NOD1: variants seen among roughly 807,000 people sequenced by gnomAD.
NOD1 encodes nucleotide-binding oligomerization domain-containing protein 1.
NOD1 carries 70 observed loss-of-function variants against 81.2 expected under a neutral mutation model. That is an observed-to-expected ratio of 0.86 (90% confidence interval 0.71 to 1.05). The LOEUF is 1.05. Ranked by LOEUF, NOD1 falls within the 50% of genes least tolerant of loss-of-function variation. The pLI, the probability that NOD1 is intolerant of heterozygous loss-of-function variation, is 0.00. For synonymous variants in NOD1, 508 were observed against 526.9 expected, an observed-to-expected ratio of 0.96 and a Z score of 0.49; for missense variants, 1,233 against 1,228.0, an observed-to-expected ratio of 1.00 and a Z score of -0.06.
intron 9 of NOD1, among the ~76,000 whole-genome samples, chr7:30,445,278 TAAAAAAAAAAAAA>T (rs55875433): frequency 1.4e-5 from 1 of 69,176 alleles, no homozygotes; most frequent in African/African-American, 7.0e-5. Flanking sequence ...AAAAAGAATC[TAAAAAAAAAAAAA>T]AAAAAAAAAA....
chr7:30,434,653 T>G (rs1442370622), intron 11 of NOD1, among the ~76,000 whole-genome samples: 1 of 152,200 alleles, frequency 6.6e-6, no homozygotes, highest in Non-Finnish European at 1.5e-5. Context: ...TACTTTCACT[T>G]CCTCCTTTTA....
chr7:30,471,998 A>G (rs1371898955), intron 1 of NOD1, among the ~76,000 whole-genome samples: 1 of 152,220 alleles, frequency 6.6e-6, no homozygotes, highest in African/African-American at 2.4e-5. Flanking sequence ...TCATCTGGAG[A>G]TTGAAAACTA....
rs1788969253 is a variant in NOD1 at position 30,478,021 on chromosome 7, T to A, written c.-352+585A>T. The stretch of plus-strand genomic sequence containing the variant: ...TGCACACATTGGAGGCGTTTTTGAA[T>A]GTGATATTCAGGCGACCTTGCCAAG... On this transcript the variant is annotated intron_variant, in intron 1 of 13. Coordinates refer to ENST00000222823, the MANE Select transcript of NOD1 (RefSeq NM_006092.4). This position sits in a 1 kb window ranked among gnomAD's most constrained non-coding sequence, Gnocchi z 4.1. Among the ~76,000 whole-genome samples, 2 of 152,218 alleles carry A rather than the reference T, an allele frequency of 1.3e-5. No homozygotes were observed. Among genetic ancestry groups the A allele is most frequent in the African/African-American group, 4.8e-5 (2 of 41,464 alleles).
Position 30,467,676 on chromosome 7 carries a change from T to C in NOD1, c.-351-7635A>G, listed in dbSNP as rs1787837861. Among the ~76,000 whole-genome samples the C allele has an allele frequency of 6.6e-6, 1 of 151,896 alleles. No individual in the cohort carries two copies. The highest frequency in any genetic ancestry group is 1.5e-5 in the Non-Finnish European group (1 of 67,964). On this transcript the variant is annotated intron_variant, in intron 1 of 13. Coordinates refer to ENST00000222823, the MANE Select transcript of NOD1 (RefSeq NM_006092.4). The surrounding 1 kb of genome is among the most constrained non-coding windows in gnomAD (Gnocchi z 4.5). ...CTGATGGGATTGTGGGTGGGAACAG[T>C]TTTTTTTGTTGTTGTTGTTATTTTT...
At chr7:30,469,193 C>T (rs548690172) in intron 1 of NOD1, 1 of 985,280 alleles carries the variant, frequency 1.0e-6, no homozygotes, top group Non-Finnish European at 1.2e-6. Flanking sequence ...GTCATGTGGG[C>T]CTCTGCCATG....
rs147561327 is a variant in NOD1, at chr7:30,452,299, C to A, written c.1118G>T (p.Arg373Leu). Residue 373 changes from arginine to leucine, a missense_variant, in exon 6 of 14, where the codon CGC (arginine) becomes CTC (leucine). Arg to Leu is a moderately radical substitution (Grantham distance 102). Coordinates refer to ENST00000222823, the MANE Select transcript of NOD1 (RefSeq NM_006092.4). ...RMFPERALQD[R>L]LLSQLEANPN... ...GTTGGCCTCCAGCTGGCTCAGCAGG[C>A]GGTCCTGCAGGGCCCGCTCGGGGAA... The A allele has an allele frequency of 1.9e-6, 3 of 1,613,232 alleles. No individual in the cohort carries two copies. In the African/African-American group the frequency reaches 4.0e-5, roughly 22 times the overall value.
In NOD1 at chr7:30,451,262, C is replaced by T. The variant is rs560447579; in HGVS notation, c.2155G>A (p.Gly719Ser). Residue 719 changes from glycine (G) to serine (S), a missense_variant, in exon 6 of 14, where the codon GGC (glycine) becomes AGC (serine). By Grantham distance (56) the Gly-to-Ser change is moderately conservative. Coordinates refer to ENST00000222823, the MANE Select transcript of NOD1 (RefSeq NM_006092.4). The surrounding 1 kb of genome is among the most constrained non-coding windows in gnomAD (Gnocchi z 4.2). ...AAGCAGGGCTGCAGCTCCCGCACGC[C>T]GTAGTCGTTGAGATTGTTGTTGTCT... is the stretch of plus-strand genomic sequence containing the variant. Reference protein sequence around the residue: ...DLDNNNLNDYGVRELQPCFSR... With the variant: ...DLDNNNLNDYSVRELQPCFSR... 3.4e-5 allele frequency: 55 copies of T among 1,614,062 alleles called. No homozygotes were observed. In the East Asian group the frequency reaches 8.7e-4, roughly 26 times the overall value.
At chr7:30,437,509 C>T in intron 10 of NOD1, 64 bp downstream of exon 10, 1 of 1,096,766 alleles carries the variant, frequency 9.1e-7, no homozygotes, top group Non-Finnish European at 1.3e-6. Context: ...CACCCTTCCC[C>T]AGCAAACCTA....
rs1323871653 is a variant in NOD1, at chr7:30,478,508, C to CCGCA, written c.-352+94_-352+97dup. 1 of 152,508 alleles carries CCGCA rather than the reference C, an allele frequency of 6.6e-6. No homozygotes were observed. Among genetic ancestry groups the CCGCA allele is most frequent in the Non-Finnish European group, 1.5e-5 (1 of 68,286 alleles). 9.4% of individuals were successfully genotyped at this position (152,508 alleles called of 1,614,324 possible). On this transcript the variant is annotated intron_variant, in intron 1 of 13. Transcript: ENST00000222823. This position sits in a 1 kb window ranked among gnomAD's most constrained non-coding sequence, Gnocchi z 4.1. ...CCTCCAGAGCCGCGCTGCGTTCCGC[C>CCGCA]CGCACGCAAATCCCGCCTCCCTGCG...
rs146496218 is a variant in NOD1 at position 30,446,655 on chromosome 7, C to A, written c.2369+312G>T. On this transcript the variant is annotated intron_variant, in intron 8 of 13. Coordinates refer to ENST00000222823, the MANE Select transcript of NOD1 (RefSeq NM_006092.4). The stretch of plus-strand genomic sequence containing the variant: ...ACCTACAGCAGGGCAAGGGCCCAAG[C>A]TCTTCCTTGCAACCCGACAGGAAAC... 1.7e-3 allele frequency: 676 copies of A among 407,416 alleles called. 6 individuals are homozygous for A. The highest frequency in any genetic ancestry group is 0.012 in the African/African-American group (608 of 49,426). The allele number at this position is 407,416 out of a possible 1,614,324, so 25.2% of individuals were successfully genotyped here.
At position 30,467,274 on chromosome 7, in the gene NOD1, G is replaced by T. The variant is rs181519141; in HGVS notation, c.-351-7233C>A. On this transcript the variant is annotated intron_variant, in intron 1 of 13. Transcript: ENST00000222823. This position sits in a 1 kb window ranked among gnomAD's most constrained non-coding sequence, Gnocchi z 4.5. ...AAAACCACCTGTGAGAAGACACACG[G>T]TGTGAGAATGAAAATTACTTCTGGA... 1.1e-3 allele frequency among the ~76,000 whole-genome samples: 167 copies of T among 152,260 alleles called. 1 individual carries two copies. The highest frequency in any genetic ancestry group is 3.9e-3 in the African/African-American group (161 of 41,554).
At position 30,451,529 on chromosome 7, in the gene NOD1, C is replaced by A. The variant is rs754427339; in HGVS notation, c.1888G>T (p.Gly630Cys). ...ACGCGGGGCAGGCTCTTCAGGTAGCCCCGCAGGCTGGAAAACAGGTGTGCC... is the reference window on the plus strand; with the variant it reads ...ACGCGGGGCAGGCTCTTCAGGTAGCACCGCAGGCTGGAAAACAGGTGTGCC... Reference protein sequence around the residue: ...LWAHLFSSLRGYLKSLPRVQV... With the variant: ...LWAHLFSSLRCYLKSLPRVQV... The change falls in exon 6 of 14, where the codon GGC becomes TGC. Residue 630 changes from glycine (G) to cysteine (C), a missense_variant. Physicochemically the swap from Gly to Cys is radical, Grantham distance 159. Coordinates refer to ENST00000222823, the MANE Select transcript of NOD1 (RefSeq NM_006092.4). This position sits in a 1 kb window ranked among gnomAD's most constrained non-coding sequence, Gnocchi z 4.2. The A allele has an allele frequency of 4.3e-6, 7 of 1,612,954 alleles. No individual in the cohort carries two copies. In the African/African-American group the frequency reaches 5.3e-5, roughly 12 times the overall value.
At chr7:30,445,756 CAAA>C (rs35669955) in intron 9 of NOD1, among the ~76,000 whole-genome samples, 247 of 36,034 alleles carry the variant, frequency 6.9e-3, no homozygotes, top group African/African-American at 0.025. Context: ...GAGACTCTGT[CAAA>C]AAAAAAAAAA....
chr7:30,469,239 T>G (rs1468064832), intron 1 of NOD1: 2 of 985,270 alleles, frequency 2.0e-6, no homozygotes, highest in Non-Finnish European at 2.4e-6. Flanking sequence ...TGGAGACAAT[T>G]TAGCAGATGG....
At position 30,455,104 on chromosome 7, in the gene NOD1, G is replaced by A. The variant is rs200931843; in HGVS notation, c.376+33C>T. On this transcript the variant is annotated intron_variant, in intron 5 of 13. Transcript: ENST00000222823. ...AACCCCCCAGGGCCCTGCTTGCACT[G>A]GTGCCTGCGGTCTTGCTGGGGCTGA... 224 of 1,605,190 alleles carry A rather than the reference G, an allele frequency of 1.4e-4. 1 individual carries two copies. Among genetic ancestry groups the A allele is most frequent in the Non-Finnish European group, 1.7e-5 (20 of 1,173,842 alleles).
intron 7 of NOD1, 164 bp from the exon 8 acceptor site, chr7:30,447,214 A>G: frequency 8.8e-7 from 1 of 1,133,260 alleles, no homozygotes; most frequent in Non-Finnish European, 1.3e-6. Flanking sequence ...GCTCAGGTTC[A>G]AAACCAGCTC....
In NOD1 at chr7:30,430,685, A is replaced by G. The variant is rs115309399; in HGVS notation, c.2706-1228T>C. On this transcript the variant is annotated intron_variant, in intron 12 of 13. Coordinates refer to ENST00000222823, the MANE Select transcript of NOD1 (RefSeq NM_006092.4). ...TCTGTGCCTCAGTTGTGTCATCTGTAAACTGAGAATAACTATAAGAGTGCC... is the reference window on the plus strand; with the variant it reads ...TCTGTGCCTCAGTTGTGTCATCTGTGAACTGAGAATAACTATAAGAGTGCC... Among the ~76,000 whole-genome samples, 844 of 152,334 alleles carry G rather than the reference A, an allele frequency of 5.5e-3. 8 individuals are homozygous for G. The highest frequency in any genetic ancestry group is 0.019 in the African/African-American group (805 of 41,572).
chr7:30,425,484 T>C lies in NOD1; in HGVS notation c.*154A>G, dbSNP rs534589544. 2 of 651,464 alleles carry C rather than the reference T, an allele frequency of 3.1e-6. No homozygotes were observed. The highest frequency in any genetic ancestry group is 5.6e-6 in the Non-Finnish European group (2 of 359,288). 40.4% of individuals were successfully genotyped at this position (651,464 alleles called of 1,614,324 possible). A position where few individuals can be genotyped will look rare whatever the true frequency, so the allele number is the denominator to read the frequency against. ...TAGGGAGTTTGCCGACCAGACCTTCTGCACAGGAAGCTGGCTTGCATCATG... is the reference window on the plus strand; with the variant it reads ...TAGGGAGTTTGCCGACCAGACCTTCCGCACAGGAAGCTGGCTTGCATCATG... On this transcript the variant is annotated 3_prime_UTR_variant, in exon 14 of 14. Coordinates refer to ENST00000222823, the MANE Select transcript of NOD1 (RefSeq NM_006092.4).
intron 1 of NOD1, among the ~76,000 whole-genome samples, chr7:30,473,443 G>A (rs1307728216): frequency 6.6e-6 from 1 of 152,184 alleles, no homozygotes; most frequent in African/African-American, 2.4e-5. Flanking sequence ...CTGGGTGAAG[G>A]CATGTTTTAT....
Sources: allele counts gnomAD v4.1 joint callset (sites outside exome capture counted in the v4.1 genomes callset), GRCh38; gene constraint gnomAD v4.1.1; non-coding constraint Gnocchi (gnomAD v3.1); transcripts MANE v1.5; gene names NCBI Gene and HGNC (gene_info 2026-07-23, HGNC 2026-07-21).